The following AOX1 variants were observed in gnomAD, a reference collection of about 807,000 sequenced individuals.
The protein encoded by AOX1 is aldehyde oxidase.
AOX1 carries 153 observed loss-of-function variants against 169.5 expected under a neutral mutation model. The ratio of observed to expected loss-of-function variants is 0.90; its 90% CI spans 0.79 to 1.03. The LOEUF is 1.03. Among genes scored for constraint, AOX1 ranks in the 50% least tolerant of loss-of-function variants. The pLI is 0.00. For missense variants in AOX1, 1,656 were observed against 1,663.9 expected (o/e 1.00, Z 0.08); for synonymous variants, 562 against 581.9 (o/e 0.97, Z 0.49).
chr2:200,627,966 T>C (rs1233858407), intron 20 of AOX1, among the ~76,000 whole-genome samples: 1 of 152,200 alleles, frequency 6.6e-6, no homozygotes, highest in Non-Finnish European at 1.5e-5. Flanking sequence ...TCCCTTCCTC[T>C]TCCCTTCCCT....
At chr2:200,640,634 G>A (rs1430136491) in intron 23 of AOX1, among the ~76,000 whole-genome samples, 1 of 152,208 alleles carries the variant, frequency 6.6e-6, no homozygotes, top group South Asian at 2.1e-4. Flanking sequence ...GAGCTTGTTT[G>A]TGTAAATGCT....
chr2:200,604,806 C>T lies in AOX1; in HGVS notation c.780C>T (p.Pro260=), dbSNP rs1013200982. Reference sequence around the variant, plus strand: ...TGCTGGAATTTAAATTCAAGTATCCCCAGGCTCCTGTTATCATGGGAAACA... The same window carrying T: ...TGCTGGAATTTAAATTCAAGTATCCTCAGGCTCCTGTTATCATGGGAAACA... ...KELLEFKFKY[P]QAPVIMGNTS... The change falls in exon 9 of 35, where the codon CCC becomes CCT. Residue 260 remains proline (P), a synonymous_variant. Transcript: ENST00000374700. 1.2e-6 allele frequency: 2 copies of T among 1,614,010 alleles called. No homozygotes were observed. The highest frequency in any genetic ancestry group is 3.3e-5 in the Admixed American group (2 of 60,006).
chr2:200,634,633 G>T (rs2105739254), intron 20 of AOX1, among the ~76,000 whole-genome samples, 158 bp from the exon 21 acceptor site: 1 of 152,268 alleles, frequency 6.6e-6, no homozygotes, highest in African/African-American at 2.4e-5. Flanking sequence ...CTTCAAATCT[G>T]CAAGTAGACT....
At position 200,609,058 on chromosome 2, in the gene AOX1, G is replaced by A. The variant is rs975692005; in HGVS notation, c.982G>A (p.Glu328Lys). The change falls in exon 11 of 35, where the codon GAG (glutamate) becomes AAG (lysine). Residue 328 changes from glutamate to lysine, a missense_variant. Transcript: ENST00000374700. ...ILADVVQKLP[E>K]EKTQMYHALL... ...GGCTGATGTAGTCCAGAAGCTTCCA[G>A]AGGAGAAGACACAGATGTACCATGC... 6 of 1,614,066 alleles carry A rather than the reference G, an allele frequency of 3.7e-6. No individual in the cohort carries two copies. Among genetic ancestry groups the A allele is most frequent in the Non-Finnish European group, 5.1e-6 (6 of 1,179,988 alleles).
intron 18 of AOX1, among the ~76,000 whole-genome samples, chr2:200,621,614 G>C (rs1208790554): frequency 6.6e-6 from 1 of 151,860 alleles, no homozygotes; most frequent in African/African-American, 2.4e-5. Context: ...TCAACTACAA[G>C]TTCAAGTGGT....
intron 23 of AOX1, 100 bp from the exon 24 acceptor site, chr2:200,640,998 G>C: frequency 1.3e-6 from 1 of 769,326 alleles, no homozygotes; most frequent in South Asian, 1.5e-5. Context: ...CAAATCCAAT[G>C]TCATGACGCT....
At chr2:200,679,658 C>A (rs565772615), downstream of AOX1, among the ~76,000 whole-genome samples, 2 of 150,534 alleles carry the variant, frequency 1.3e-5, no homozygotes, top group East Asian at 1.9e-4. Flanking sequence ...GTAGTGACGC[C>A]CCCCCCCGAG....
intron 19 of AOX1, 93 bp downstream of exon 19, chr2:200,624,076 C>A: frequency 6.6e-7 from 1 of 1,523,448 alleles, no homozygotes; most frequent in South Asian, 1.2e-5. Flanking sequence ...AAATGTGGCT[C>A]AAAGTGGCCT....
In AOX1 at chr2:200,641,184, C is replaced by A. The variant is rs200451350; in HGVS notation, c.2655C>A (p.Phe885Leu). The A allele has an allele frequency of 6.2e-7, 1 of 1,602,702 alleles. No homozygotes were observed. Among genetic ancestry groups the A allele is most frequent in the Non-Finnish European group, 8.5e-7 (1 of 1,170,128 alleles). The change falls in exon 24 of 35, where the codon TTC (phenylalanine) becomes TTA (leucine). Residue 885 changes from phenylalanine (F) to leucine (L), a missense_variant and splice_region_variant. By Grantham distance (22) the Phe-to-Leu change is conservative (BLOSUM62 0). Coordinates refer to ENST00000374700, the MANE Select transcript of AOX1 (RefSeq NM_001159.4). ...NAGASLDESL[F>L]VIEMGLLKMD... ...GCGCCTCCTTGGATGAATCATTATT[C>A]GTAAGTGTTTTAAGGAGCAAGTTCA...
intron 20 of AOX1, among the ~76,000 whole-genome samples, chr2:200,630,648 G>A (rs541953064): frequency 1.3e-5 from 2 of 152,106 alleles, no homozygotes; most frequent in South Asian, 4.2e-4. Context: ...GACAAGGGAA[G>A]GCAAAAGAAA....
chr2:200,623,882 G>C lies in AOX1; in HGVS notation c.2023G>C (p.Val675Leu). The C allele has an allele frequency of 6.2e-7, 1 of 1,614,054 alleles. No individual in the cohort carries two copies. The highest frequency in any genetic ancestry group is 1.3e-5 in the African/African-American group (1 of 75,052). The change falls in exon 19 of 35, where the codon GTC becomes CTC. Residue 675 changes from valine to leucine, a missense_variant. Coordinates refer to ENST00000374700, the MANE Select transcript of AOX1 (RefSeq NM_001159.4). ...GTAGGTGTTCTGTGTGGGTCAGCTT[G>C]TCTGTGCTGTGCTTGCCGATTCTGA... Reference protein sequence around the residue: ...TDKVFCVGQLVCAVLADSEVQ... With the variant: ...TDKVFCVGQLLCAVLADSEVQ...
At chr2:200,607,178 G>A (rs1350244357) in intron 10 of AOX1, among the ~76,000 whole-genome samples, 2 of 152,182 alleles carry the variant, frequency 1.3e-5, no homozygotes, top group Non-Finnish European at 2.9e-5. Flanking sequence ...TTTATTGAAA[G>A]TTTTTAACAT....
rs1433771533 is a variant in AOX1 at position 200,586,041 on chromosome 2, C to CA, written c.-67dup. 1.3e-6 allele frequency: 2 copies of CA among 1,534,494 alleles called. No homozygotes were observed. Among genetic ancestry groups the CA allele is most frequent in the African/African-American group, 2.8e-5 (2 of 72,678 alleles). ...TCGGCGGGTCGGTGCCGCCGGGTCC[C>CA]AGGTGCCCGCTACTTCCCAGAACCT... On this transcript the variant is annotated 5_prime_UTR_variant, in exon 1 of 35. Transcript: ENST00000374700.
At chr2:200,615,931 T>A (rs763060165) in intron 15 of AOX1, 40 bp from the exon 16 acceptor site, 2 of 1,472,854 alleles carry the variant, frequency 1.4e-6, no homozygotes, top group African/African-American at 2.8e-5. Context: ...TCTGGTGCAT[T>A]CAAACTATTT....
chr2:200,661,608 C>T lies in AOX1; in HGVS notation c.3405C>T (p.Asn1135=), dbSNP rs144111951. ...WAQTAFDESI[N]LSAVGYFRGY... ...AGACTGCTTTTGATGAAAGCATTAA[C>T]CTTTCAGCTGTTGGATACTTCAGGT... The change falls in exon 30 of 35, where the codon AAC becomes AAT. Residue 1135 remains asparagine, a synonymous_variant. Transcript: ENST00000374700. 9 of 1,612,994 alleles carry T rather than the reference C, an allele frequency of 5.6e-6. No individual in the cohort carries two copies. Among genetic ancestry groups the T allele is most frequent in the Non-Finnish European group, 7.6e-6 (9 of 1,179,108 alleles).
chr2:200,652,656 G>A (rs943376287), intron 26 of AOX1, among the ~76,000 whole-genome samples: 16 of 152,182 alleles, frequency 1.1e-4, no homozygotes, highest in Admixed American at 2.0e-4. Context: ...ACGTTTGGCC[G>A]TGGGTAAACA....
intron 10 of AOX1, 72 bp from the exon 11 acceptor site, chr2:200,608,912 A>C: frequency 7.3e-7 from 1 of 1,371,992 alleles, no homozygotes; most frequent in Non-Finnish European, 1.0e-6. Flanking sequence ...CTATGTCTGT[A>C]GCTTTGGTCT....
intron 1 of AOX1, among the ~76,000 whole-genome samples, chr2:200,588,725 G>GTTTTTTTT (rs1247445142): frequency 2.4e-5 from 1 of 40,888 alleles, no homozygotes; most frequent in Non-Finnish European, 6.6e-5. Flanking sequence ...ACTAGAATAA[G>GTTTTTTTT]CTTTTTTTTT....
At chr2:200,590,103 A>G (rs1435733674) in intron 1 of AOX1, among the ~76,000 whole-genome samples, 2 of 151,528 alleles carry the variant, frequency 1.3e-5, no homozygotes, top group Admixed American at 6.6e-5. Flanking sequence ...CTCCTCTTCT[A>G]CCTCTCAGCC....
Sources: gnomAD v4.1 joint callset for allele counts (sites outside exome capture counted in the v4.1 genomes callset) on GRCh38, gnomAD v4.1.1 for gene constraint, MANE v1.5 for transcripts, NCBI Gene and HGNC (gene_info 2026-07-23, HGNC 2026-07-21) for gene names.